The following DMD variants were observed in gnomAD, a reference collection of about 807,000 sequenced individuals.
DMD encodes dystrophin.
DMD carries 63 observed loss-of-function variants against 330.1 expected under a neutral mutation model. That is an observed-to-expected ratio of 0.19 (90% CI 0.16 to 0.24). The LOEUF (loss-of-function observed/expected upper bound fraction) is 0.24, where lower values mean the gene tolerates loss of function less well. Among genes scored for constraint, DMD ranks in the 10% least tolerant of loss-of-function variants. The pLI, the probability that DMD is intolerant of heterozygous loss-of-function variation, is 1.00. For missense variants in DMD, 3,344 were observed against 2,684.1 expected, an observed-to-expected ratio of 1.25 and a Z score of -5.43; for synonymous variants, 1,223 against 959.8, an observed-to-expected ratio of 1.27 and a Z score of -5.07.
chrX:32,206,174 A>G (rs1738621420), intron 44 of DMD: 2 of 511,371 alleles, frequency 3.9e-6, no homozygotes, highest in African/African-American at 4.6e-5. Flanking sequence ...AAATAACACC[A>G]TCAGTGGTCT....
rs775097950 is a variant in DMD at position 32,389,561 on chromosome X, A to T, written c.4458T>A (p.Pro1486=). 15 of 1,209,232 alleles carry T rather than the reference A, an allele frequency of 1.2e-5. No homozygotes were observed. The East Asian group carries it at 1.5e-4, about 12-fold the overall frequency. The change falls in exon 32 of 79, where the codon CCT becomes CCA. Residue 1486 remains proline (P), a synonymous_variant. Transcript: ENST00000357033. ...GTTCCACACTCTTTGTTTCCAATGCAGGCAAGTGCATCTTCACTTCATCTA... is the reference window on the plus strand; with the variant it reads ...GTTCCACACTCTTTGTTTCCAATGCTGGCAAGTGCATCTTCACTTCATCTA... ...MILDEVKMHL[P]ALETKSVEQE... is the part of the protein sequence containing the mutation.
chrX:33,246,938 C>T (rs1448908959), intron 1 of DMD, among the ~76,000 whole-genome samples: 1 of 111,188 alleles, frequency 9.0e-6, no homozygotes, highest in East Asian at 2.8e-4. Context: ...CCCACCTCAG[C>T]TTCCCAAAGT....
At chrX:32,606,744 C>A (rs2189481) in intron 12 of DMD, among the ~76,000 whole-genome samples, 1 of 61,881 alleles carries the variant, frequency 1.6e-5, no homozygotes, top group Non-Finnish European at 3.2e-5. Context: ...TATATATATA[C>A]ACACACACAT....
At chrX:33,270,943 G>T (rs988149017) in intron 1 of DMD, among the ~76,000 whole-genome samples, 8 of 110,932 alleles carry the variant, frequency 7.2e-5, no homozygotes, top group African/African-American at 2.6e-4. Context: ...ATTATCAACA[G>T]CTGTGGCTAA....
chrX:32,178,406 T>C (rs921836615), intron 44 of DMD, among the ~76,000 whole-genome samples: 2 of 109,644 alleles, frequency 1.8e-5, no homozygotes, highest in African/African-American at 6.7e-5. Flanking sequence ...TAGTGTAAAA[T>C]AGTTACCATT....
chrX:32,292,985 G>C (rs1477093045), intron 42 of DMD, among the ~76,000 whole-genome samples: 1 of 112,601 alleles, frequency 8.9e-6, no homozygotes, highest in Non-Finnish European at 1.9e-5. Context: ...GTGAATTTCA[G>C]AGAAAGAAGG....
intron 7 of DMD, among the ~76,000 whole-genome samples, chrX:32,711,028 T>C: frequency 9.0e-6 from 1 of 111,623 alleles, no homozygotes; most frequent in East Asian, 2.8e-4. Flanking sequence ...GGAAAGCAAC[T>C]CCCTTTGACT....
chrX:32,616,523 C>T (rs1284506446), intron 11 of DMD, among the ~76,000 whole-genome samples: 1 of 110,022 alleles, frequency 9.1e-6, no homozygotes, highest in Non-Finnish European at 1.9e-5. Context: ...ATTGGGAAGT[C>T]TCTTAGTTGG....
chrX:31,350,592 CGTGTGTGT>C (rs747001189), intron 60 of DMD, among the ~76,000 whole-genome samples: 13 of 85,326 alleles, frequency 1.5e-4, no homozygotes, highest in Admixed American at 2.8e-4. Context: ...AAATGTGGTA[CGTGTGTGT>C]GTGTGTGTGT....
At chrX:31,406,742 T>C (rs1352545222) in intron 60 of DMD, among the ~76,000 whole-genome samples, 1 of 111,431 alleles carries the variant, frequency 9.0e-6, no homozygotes, top group Non-Finnish European at 1.9e-5. Flanking sequence ...GTGGATTGAT[T>C]AGAATTGGAT....
At chrX:31,202,552 A>G (rs2043597970) in intron 67 of DMD, among the ~76,000 whole-genome samples, 1 of 112,076 alleles carries the variant, frequency 8.9e-6, no homozygotes, top group Admixed American at 9.5e-5. Flanking sequence ...CTATTAAATA[A>G]ATACTCAAAC....
chrX:33,098,611 CA>C (rs2095201808), intron 1 of DMD, among the ~76,000 whole-genome samples: 1 of 111,541 alleles, frequency 9.0e-6, no homozygotes, highest in South Asian at 3.8e-4. Flanking sequence ...TATATGTAAA[CA>C]ATGTTTATTT....
intron 59 of DMD, among the ~76,000 whole-genome samples, chrX:31,456,868 GTGTGTGTGTA>G (rs2066210658): frequency 9.8e-6 from 1 of 102,457 alleles, no homozygotes; most frequent in Non-Finnish European, 2.0e-5. Context: ...GTGTGTGTGT[GTGTGTGTGTA>G]TATATATATA....
chrX:32,799,820 T>G (rs2076420868), intron 7 of DMD, among the ~76,000 whole-genome samples: 1 of 111,256 alleles, frequency 9.0e-6, no homozygotes, highest in Non-Finnish European at 1.9e-5. Context: ...GATGTACTTA[T>G]TTTTGCATAT....
At chrX:31,512,161 A>G (rs1329868944) in intron 55 of DMD, among the ~76,000 whole-genome samples, 33 of 109,637 alleles carry the variant, frequency 3.0e-4, no homozygotes, top group African/African-American at 9.3e-4. Flanking sequence ...CATGTCCTTC[A>G]CCCACTTTTT....
intron 18 of DMD, among the ~76,000 whole-genome samples, chrX:32,507,366 G>A (rs1022477508): frequency 5.4e-5 from 6 of 111,524 alleles, no homozygotes; most frequent in Middle Eastern, 4.6e-3. Flanking sequence ...ATAAAAAGTA[G>A]AATGAGAACA....
At chrX:31,257,824 T>A (rs2050120067) in intron 63 of DMD, among the ~76,000 whole-genome samples, 1 of 111,982 alleles carries the variant, frequency 8.9e-6, no homozygotes, top group South Asian at 3.7e-4. Context: ...GGGTGCCTAG[T>A]AATCCCAGCT....
chrX:32,366,383 T>C (rs2097854552), intron 34 of DMD, among the ~76,000 whole-genome samples: 1 of 111,995 alleles, frequency 8.9e-6, no homozygotes. Context: ...GGTTAACAGA[T>C]ACAGAGACTG....
At chrX:32,771,503 T>TACACACAC (rs754545800) in intron 7 of DMD, among the ~76,000 whole-genome samples, 4,319 of 105,725 alleles carry the variant, frequency 0.041, 262 homozygotes, top group African/African-American at 0.14. Context: ...ATTTTGTTAA[T>TACACACAC]ACACACACAC....
Sources: gnomAD v4.1 joint callset for allele counts (sites outside exome capture counted in the v4.1 genomes callset) on GRCh38, gnomAD v4.1.1 for gene constraint, MANE v1.5 for transcripts, NCBI Gene and HGNC (gene_info 2026-07-23, HGNC 2026-07-21) for gene names.